The following NXN variants were observed in gnomAD, a reference collection of about 807,000 sequenced individuals.
NXN encodes nucleoredoxin 1.
NXN carries 16 observed loss-of-function variants against 48.6 expected under a neutral mutation model. That is an observed-to-expected ratio of 0.33 (90% confidence interval 0.22 to 0.50). The LOEUF is 0.50. Ranked by LOEUF, NXN falls within the 20% of genes least tolerant of loss-of-function variation. The probability of loss-of-function intolerance (pLI) is 0.98; values close to 1 mark genes in which losing one functional copy is unlikely to be tolerated. For missense variants in NXN, 492 were observed against 605.5 expected, an observed-to-expected ratio of 0.81 and a Z score of 1.97; for synonymous variants, 281 against 269.6, an observed-to-expected ratio of 1.04 and a Z score of -0.41.
intron 1 of NXN, among the ~76,000 whole-genome samples, chr17:948,718 C>A (rs931555139): frequency 2.0e-5 from 3 of 151,942 alleles, no homozygotes; most frequent in East Asian, 3.9e-4. Context: ...CGGCCCGTCC[C>A]GCCCCAGCGC....
At chr17:878,241 G>A (rs1017925241) in intron 1 of NXN, 2 of 151,692 alleles carry the variant, frequency 1.3e-5, no homozygotes, top group East Asian at 3.9e-4. Flanking sequence ...GGAATCCCAG[G>A]AGCAGGGGCC....
chr17:944,131 C>T (rs919908880), intron 1 of NXN, among the ~76,000 whole-genome samples: 1 of 151,450 alleles, frequency 6.6e-6, no homozygotes, highest in South Asian at 2.1e-4. Flanking sequence ...CCCAGCTACT[C>T]GGGAGGCTGA....
At chr17:870,252 G>C (rs1043149144) in intron 1 of NXN, among the ~76,000 whole-genome samples, 5 of 152,184 alleles carry the variant, frequency 3.3e-5, no homozygotes, top group African/African-American at 1.2e-4. Flanking sequence ...GCCCAGGAAT[G>C]CAGGACGTGG....
intron 1 of NXN, among the ~76,000 whole-genome samples, chr17:897,972 C>T (rs2068505547): frequency 6.6e-6 from 1 of 152,202 alleles, no homozygotes; most frequent in South Asian, 2.1e-4. Flanking sequence ...TGAACCCCTG[C>T]TGCTGGCCAG....
intron 1 of NXN, among the ~76,000 whole-genome samples, chr17:895,159 G>C (rs1458767235): frequency 2.6e-5 from 4 of 151,586 alleles, no homozygotes; most frequent in Non-Finnish European, 5.9e-5. Context: ...TGGGATTACA[G>C]GCACCCACCA....
chr17:943,569 C>T (rs1456663090), intron 1 of NXN, among the ~76,000 whole-genome samples: 2 of 152,320 alleles, frequency 1.3e-5, no homozygotes, highest in Non-Finnish European at 2.9e-5. Flanking sequence ...CGCCTGTAAT[C>T]CCAGCAGTTT....
chr17:812,830 ATG>A (rs577630603), intron 5 of NXN, among the ~76,000 whole-genome samples: 276 of 137,300 alleles, frequency 2.0e-3, no homozygotes, highest in South Asian at 0.01. Flanking sequence ...GCGAGTGTGC[ATG>A]TGTGAGTGTA....
At position 799,940 on chromosome 17, in the gene NXN, A is replaced by AC. The variant is rs1911118110; in HGVS notation, c.*1008dup. On this transcript the variant is annotated 3_prime_UTR_variant, in exon 8 of 8. Coordinates refer to ENST00000336868, the MANE Select transcript of NXN (RefSeq NM_022463.5). ...AGACCAGCCTGGCCAACATGGTGAA[A>AC]CCCCATCTCTACTAAAAATACAAAA... 6.6e-6 allele frequency: 1 copy of AC among 152,240 alleles called. No individual in the cohort carries two copies. Among genetic ancestry groups the AC allele is most frequent in the African/African-American group, 2.4e-5 (1 of 41,436 alleles). 9.4% of individuals were successfully genotyped at this position (152,240 alleles called of 1,614,324 possible).
In NXN at chr17:950,446, C is replaced by T. The variant is rs148248781; in HGVS notation, c.360+28873G>A. ...AAGGCAGGGAACTATATCTGGTTTT[C>T]AGGGGTGTGTGGGGTGCAAACGGCC... is the stretch of plus-strand genomic sequence containing the variant. On this transcript the variant is annotated intron_variant, in intron 1 of 7. Coordinates refer to ENST00000336868, the MANE Select transcript of NXN (RefSeq NM_022463.5). 4.2e-3 allele frequency among the ~76,000 whole-genome samples: 639 copies of T among 151,228 alleles called. 6 individuals carry two copies. The highest frequency in any genetic ancestry group is 0.014 in the African/African-American group (593 of 40,900).
Position 825,746 on chromosome 17 carries a change from GC to G in NXN, c.478+214del. On this transcript the variant is annotated intron_variant, in intron 2 of 7. Coordinates refer to ENST00000336868, the MANE Select transcript of NXN (RefSeq NM_022463.5). This position sits in a 1 kb window ranked among gnomAD's most constrained non-coding sequence, Gnocchi z 4.1. ...CATCTCTTTTGGCCCATGAATTAAA[GC>G]CCCTAGGAGGGACATTCTGATCCCT... 1 of 498,808 alleles carries G rather than the reference GC, an allele frequency of 2.0e-6. No individual in the cohort carries two copies. 30.9% of individuals were successfully genotyped at this position (498,808 alleles called of 1,614,324 possible). A position where few individuals can be genotyped will look rare whatever the true frequency, so the allele number is the denominator to read the frequency against.
rs1329304598 is a variant in NXN, at chr17:867,293, C to G, written c.361-41215G>C. ...TTCTCGGGGTTCTCCGGGGAATCCT[C>G]CAGCATGGTCAGCAAGTTCTCGGGG... On this transcript the variant is annotated intron_variant, in intron 1 of 7. Transcript: ENST00000336868. 2.3e-3 allele frequency among the ~76,000 whole-genome samples: 196 copies of G among 84,514 alleles called. 2 individuals are homozygous for G. Among genetic ancestry groups the G allele is most frequent in the African/African-American group, 9.5e-3 (190 of 20,018 alleles). 55.4% of individuals were successfully genotyped at this position (84,514 alleles called of 152,430 possible).
At chr17:915,268 T>A (rs2068676653) in intron 1 of NXN, among the ~76,000 whole-genome samples, 1 of 151,816 alleles carries the variant, frequency 6.6e-6, no homozygotes. Context: ...TAAGTGGGAT[T>A]ATGATTAGCA....
At chr17:801,228 AC>A in intron 7 of NXN, 97 bp from the exon 8 acceptor site, 1 of 968,044 alleles carries the variant, frequency 1.0e-6, no homozygotes, top group Non-Finnish European at 1.4e-6. Flanking sequence ...TAGCTCCCGC[AC>A]CCTGAAGAGC....
chr17:968,618 T>G (rs566825189), intron 1 of NXN, among the ~76,000 whole-genome samples: 25 of 152,118 alleles, frequency 1.6e-4, no homozygotes, highest in Non-Finnish European at 3.1e-4. Context: ...AATCAACAAC[T>G]GACAGACAAT....
intron 1 of NXN, among the ~76,000 whole-genome samples, chr17:943,120 T>C (rs545100676): frequency 2.6e-5 from 4 of 152,308 alleles, no homozygotes; most frequent in African/African-American, 9.6e-5. Flanking sequence ...CCAACATACT[T>C]CATCGTTTTA....
At chr17:915,883 T>TCCCCTAAAATGGGCAG (rs1205241277) in intron 1 of NXN, among the ~76,000 whole-genome samples, 9 of 152,182 alleles carry the variant, frequency 5.9e-5, no homozygotes, top group East Asian at 5.8e-4. Flanking sequence ...AGCTGGAACT[T>TCCCCTAAAATGGGCAG]CCAGCTGCTC....
chr17:853,738 T>TTTC (rs1555614493), intron 1 of NXN, among the ~76,000 whole-genome samples: 1 of 143,564 alleles, frequency 7.0e-6, no homozygotes, highest in Non-Finnish European at 1.5e-5. Flanking sequence ...TTTTTTTTTT[T>TTTC]CCAAGACGGA....
intron 1 of NXN, among the ~76,000 whole-genome samples, chr17:882,459 T>TGTTTG (rs1567847032): frequency 6.0e-5 from 3 of 50,390 alleles, no homozygotes; most frequent in African/African-American, 1.8e-4. Context: ...GGGTTTCTTT[T>TGTTTG]GTTTGTTTTG....
chr17:918,050 A>C (rs1313639820), intron 1 of NXN, among the ~76,000 whole-genome samples: 1 of 152,240 alleles, frequency 6.6e-6, no homozygotes, highest in Non-Finnish European at 1.5e-5. Context: ...TCTCAGTTTC[A>C]GTTTTAAAAG....
Sources: allele counts gnomAD v4.1 joint callset (sites outside exome capture counted in the v4.1 genomes callset), GRCh38; gene constraint gnomAD v4.1.1; non-coding constraint Gnocchi (gnomAD v3.1); transcripts MANE v1.5; gene names NCBI Gene and HGNC (gene_info 2026-07-23, HGNC 2026-07-21).